GAB1: variants seen among roughly 807,000 people sequenced by gnomAD.
GAB1 encodes the protein GRB2-associated-binding protein 1.
In GAB1, 19 loss-of-function variants were observed where a neutral mutation model predicts 66.5. The ratio of observed to expected loss-of-function variants is 0.29; its 90% CI spans 0.20 to 0.42. The LOEUF is 0.42. Among genes scored for constraint, GAB1 ranks in the 10% least tolerant of loss-of-function variants. The probability of loss-of-function intolerance (pLI) is 1.00; values close to 1 mark genes in which losing one functional copy is unlikely to be tolerated. For missense variants in GAB1, 732 were observed against 858.5 expected, an observed-to-expected ratio of 0.85 and a Z score of 1.84; for synonymous variants, 294 against 301.4, an observed-to-expected ratio of 0.98 and a Z score of 0.25.
chr4:143,447,625 G>A (rs1578732086), intron 6 of GAB1, among the ~76,000 whole-genome samples: 1 of 152,172 alleles, frequency 6.6e-6, no homozygotes, highest in East Asian at 1.9e-4. Context: ...TGTGATTTTT[G>A]TAGATTGATT....
chr4:143,447,798 G>T (rs940695064), intron 6 of GAB1, among the ~76,000 whole-genome samples: 1 of 151,824 alleles, frequency 6.6e-6, no homozygotes, highest in African/African-American at 2.4e-5. Flanking sequence ...CTGCCTAATT[G>T]CCCTGGCCAG....
At chr4:143,349,254 T>G (rs1729094464) in intron 1 of GAB1, 1 of 821,098 alleles carries the variant, frequency 1.2e-6, no homozygotes, top group Non-Finnish European at 1.9e-6. Flanking sequence ...TAATTCACTT[T>G]ATTTTTCTTG....
chr4:143,419,363 AAAG>A lies in GAB1; in HGVS notation c.367+3598_367+3600del, dbSNP rs200442065. ...ACTACTGATTCATAAGCGCTCTGCT[AAAG>A]AAGAACTAGATAAGCATAGTTAGCA... On this transcript the variant is annotated intron_variant, in intron 2 of 9. Coordinates refer to ENST00000262994, the MANE Select transcript of GAB1 (RefSeq NM_002039.4). Among the ~76,000 whole-genome samples, 873 of 152,274 alleles carry A rather than the reference AAAG, an allele frequency of 5.7e-3. 7 individuals carry two copies. The highest frequency in any genetic ancestry group is 7.2e-3 in the Non-Finnish European group (492 of 67,992).
At chr4:143,339,494 G>GGCTCAAAATAGCAACAACAAAATAAA (rs1728759411) in intron 1 of GAB1, among the ~76,000 whole-genome samples, 1 of 152,244 alleles carries the variant, frequency 6.6e-6, no homozygotes, top group Admixed American at 6.5e-5. Flanking sequence ...CTGGATGACA[G>GGCTCAAAATAGCAACAACAAAATAAA]GGTGAGACTC....
At chr4:143,380,108 G>C (rs78736144) in intron 1 of GAB1, among the ~76,000 whole-genome samples, 1 of 150,260 alleles carries the variant, frequency 6.7e-6, no homozygotes, top group East Asian at 1.9e-4. Flanking sequence ...CATTTAAATC[G>C]TGGGCCTCAG....
At chr4:143,440,431 T>C (rs1021480031) in intron 6 of GAB1, 49 bp downstream of exon 6, 2 of 1,502,888 alleles carry the variant, frequency 1.3e-6, no homozygotes, top group Non-Finnish European at 8.9e-7. Context: ...CCAAGTTAGA[T>C]CTATCTTTAA....
At chr4:143,413,122 A>T (rs1732483655) in intron 1 of GAB1, among the ~76,000 whole-genome samples, 1 of 152,204 alleles carries the variant, frequency 6.6e-6, no homozygotes, top group South Asian at 2.1e-4. Context: ...GTATTTAAAG[A>T]TGAAGCTTCA....
At chr4:143,467,597 G>A (rs1252084191) in intron 9 of GAB1, among the ~76,000 whole-genome samples, 1 of 152,136 alleles carries the variant, frequency 6.6e-6, no homozygotes, top group Non-Finnish European at 1.5e-5. Context: ...ACTCTCTACA[G>A]TTTGTTTCTT....
chr4:143,408,757 G>A (rs1221622439), intron 1 of GAB1, among the ~76,000 whole-genome samples: 2 of 152,176 alleles, frequency 1.3e-5, no homozygotes, highest in Admixed American at 6.5e-5. Flanking sequence ...ATTTCTGAGA[G>A]TATATTGAAA....
At chr4:143,431,711 G>C (rs1353900550) in intron 2 of GAB1, among the ~76,000 whole-genome samples, 1 of 152,124 alleles carries the variant, frequency 6.6e-6, no homozygotes, top group Non-Finnish European at 1.5e-5. Flanking sequence ...AAATGGCGGA[G>C]GCTAAACAAA....
intron 6 of GAB1, among the ~76,000 whole-genome samples, chr4:143,447,177 A>C (rs1458919319): frequency 2.6e-5 from 4 of 152,074 alleles, no homozygotes; most frequent in Non-Finnish European, 5.9e-5. Flanking sequence ...TACCAGTACC[A>C]TGCTGTTTTG....
intron 2 of GAB1, among the ~76,000 whole-genome samples, chr4:143,423,845 C>A (rs551363418): frequency 5.1e-4 from 49 of 96,792 alleles, no homozygotes; most frequent in African/African-American, 1.3e-3. Flanking sequence ...TATGTCTTCA[C>A]GTGCTATGAA....
chr4:143,468,182 C>A (rs1008584542), intron 9 of GAB1, among the ~76,000 whole-genome samples: 2 of 135,060 alleles, frequency 1.5e-5, no homozygotes, highest in African/African-American at 2.8e-5. Flanking sequence ...TGAATTTCAT[C>A]TGTCATGGAA....
At chr4:143,409,310 AG>A (rs1374544076) in intron 1 of GAB1, among the ~76,000 whole-genome samples, 1 of 152,082 alleles carries the variant, frequency 6.6e-6, no homozygotes, top group African/African-American at 2.4e-5. Flanking sequence ...GAGATGAGAC[AG>A]GTAAGTATGG....
At chr4:143,408,846 A>G (rs1229434375) in intron 1 of GAB1, among the ~76,000 whole-genome samples, 1 of 152,232 alleles carries the variant, frequency 6.6e-6, no homozygotes, top group South Asian at 2.1e-4. Flanking sequence ...AGAGATTTCA[A>G]AATAAAAAAT....
intron 6 of GAB1, among the ~76,000 whole-genome samples, chr4:143,446,060 T>TG: frequency 6.6e-6 from 1 of 152,248 alleles, no homozygotes; most frequent in East Asian, 1.9e-4. Flanking sequence ...TTTTTGTCCT[T>TG]GCGATAGTTT....
chr4:143,355,653 G>A (rs1230503884), intron 1 of GAB1, among the ~76,000 whole-genome samples: 1 of 151,920 alleles, frequency 6.6e-6, no homozygotes, highest in African/African-American at 2.4e-5. Flanking sequence ...GTAGTAGGAA[G>A]TTAATTATGT....
chr4:143,447,930 T>A (rs556932980), intron 6 of GAB1, among the ~76,000 whole-genome samples: 1 of 152,300 alleles, frequency 6.6e-6, no homozygotes, highest in East Asian at 1.9e-4. Flanking sequence ...GGGTTTGTCA[T>A]AGATAGCTGT....
At chr4:143,375,430 C>G (rs1730373126) in intron 1 of GAB1, among the ~76,000 whole-genome samples, 1 of 152,204 alleles carries the variant, frequency 6.6e-6, no homozygotes, top group Non-Finnish European at 1.5e-5. Flanking sequence ...TGAGCACTTG[C>G]CACCTGGTGG....
Sources: gnomAD v4.1 joint callset for allele counts (sites outside exome capture counted in the v4.1 genomes callset) on GRCh38, gnomAD v4.1.1 for gene constraint, MANE v1.5 for transcripts, NCBI Gene and HGNC (gene_info 2026-07-23, HGNC 2026-07-21) for gene names.